ELF5: variants seen among roughly 807,000 people sequenced by gnomAD.
ELF5 encodes the protein ETS-related transcription factor Elf-5.
A neutral mutation model predicts 38.2 loss-of-function variants in ELF5; 31 were observed. That is an observed-to-expected ratio of 0.81 (90% CI 0.61 to 1.10). The LOEUF (loss-of-function observed/expected upper bound fraction) is 1.10. ELF5 is among the 50% of genes least tolerant of loss of function. ELF5 has a pLI of 0.00. For synonymous variants in ELF5, 121 were observed against 112.5 expected (o/e 1.08, Z -0.48); for missense variants, 300 against 306.6 (o/e 0.98, Z 0.16).
intron 1 of ELF5, 43 bp from the exon 2 acceptor site, chr11:34,505,796 C>G: frequency 6.3e-7 from 1 of 1,598,672 alleles, no homozygotes; most frequent in East Asian, 2.2e-5. Context: ...GGGTGAGGTA[C>G]TCCTGAAGCC....
intron 4 of ELF5, among the ~76,000 whole-genome samples, chr11:34,488,471 C>T (rs958634766): frequency 1.3e-5 from 2 of 152,158 alleles, no homozygotes; most frequent in Non-Finnish European, 2.9e-5. Flanking sequence ...TAGGGCTTGT[C>T]TCATATTGGG....
chr11:34,484,342 T>C (rs1289988824), intron 4 of ELF5, among the ~76,000 whole-genome samples: 1 of 151,624 alleles, frequency 6.6e-6, no homozygotes, highest in African/African-American at 2.4e-5. Flanking sequence ...CTACTGTACA[T>C]ACTGTACTAT....
At chr11:34,496,012 G>A (rs553317146) in intron 2 of ELF5, among the ~76,000 whole-genome samples, 157 of 146,684 alleles carry the variant, frequency 1.1e-3, no homozygotes, top group Non-Finnish European at 1.9e-3. Flanking sequence ...GGAGGGCACA[G>A]TTGATTTCAT....
In ELF5 at chr11:34,493,645, G is replaced by A. The variant is rs1233490874; in HGVS notation, c.189C>T (p.Leu63=). 5 of 1,614,096 alleles carry A rather than the reference G, an allele frequency of 3.1e-6. No homozygotes were observed. Among genetic ancestry groups the A allele is most frequent in the Non-Finnish European group, 3.4e-6 (4 of 1,180,064 alleles). ...YWTKRHVWEW[L]QFCCDQYKLD... ...ACTTGTACTGGTCGCAGCAGAACTG[G>A]AGCCACTCCCACACATGGCGCTTAG... Residue 63 remains leucine (L), a synonymous_variant, in exon 3 of 7, where the codon CTC becomes CTT. Transcript: ENST00000257832.
rs1336924009 is a variant in ELF5 at position 34,505,752 on chromosome 11, C to CATGTTGCTGTCT, written c.-4_-3insAGACAGCAACAT. ...CTGTGTGTCACCGAGTCCAACATTA[C>CATGTTGCTGTCT]CCTGCAACAGCAGGAGAGGTCGTGA... On this transcript the variant is annotated splice_region_variant and 5_prime_UTR_variant, in exon 2 of 7. The change creates a new upstream start codon in the 5' untranslated region. Coordinates refer to ENST00000257832, the MANE Select transcript of ELF5 (RefSeq NM_001422.4). 1.2e-6 allele frequency: 2 copies of CATGTTGCTGTCT among 1,613,352 alleles called. No individual in the cohort carries two copies. Among genetic ancestry groups the CATGTTGCTGTCT allele is most frequent in the South Asian group, 2.2e-5 (2 of 90,950 alleles).
At chr11:34,501,414 A>C (rs1251078279) in intron 2 of ELF5, among the ~76,000 whole-genome samples, 1 of 152,180 alleles carries the variant, frequency 6.6e-6, no homozygotes, top group Non-Finnish European at 1.5e-5. Context: ...ATTGGCTGTC[A>C]GGGGAGGGGT....
At chr11:34,509,552 T>G (rs1850699941) in intron 1 of ELF5, among the ~76,000 whole-genome samples, 1 of 151,470 alleles carries the variant, frequency 6.6e-6, no homozygotes, top group Non-Finnish European at 1.5e-5. Flanking sequence ...CAAACAGATG[T>G]CAAGGCTGCC....
chr11:34,503,258 A>C (rs1285247474), intron 2 of ELF5, among the ~76,000 whole-genome samples: 1 of 152,002 alleles, frequency 6.6e-6, no homozygotes, highest in African/African-American at 2.4e-5. Context: ...TTCTGAGCTC[A>C]AGGGATCCTC....
chr11:34,494,975 A>G (rs1233059521), intron 2 of ELF5, among the ~76,000 whole-genome samples: 1 of 152,202 alleles, frequency 6.6e-6, no homozygotes, highest in East Asian at 1.9e-4. Flanking sequence ...CACACGTTGT[A>G]TGTTAAGGAT....
chr11:34,502,732 C>T (rs552231539), intron 2 of ELF5, among the ~76,000 whole-genome samples: 1 of 152,282 alleles, frequency 6.6e-6, no homozygotes, highest in African/African-American at 2.4e-5. Flanking sequence ...GGGCCAGTCT[C>T]GAAGGCTATT....
At chr11:34,496,182 C>T (rs1226829966) in intron 2 of ELF5, among the ~76,000 whole-genome samples, 2 of 152,262 alleles carry the variant, frequency 1.3e-5, no homozygotes, top group Admixed American at 6.5e-5. Context: ...GAGTCGGCCC[C>T]ACACCGGGGA....
intron 4 of ELF5, among the ~76,000 whole-genome samples, chr11:34,486,675 T>C (rs1429010542): frequency 6.6e-6 from 1 of 152,230 alleles, no homozygotes; most frequent in East Asian, 1.9e-4. Flanking sequence ...TTGCAAGTTA[T>C]TACACCTCCA....
At position 34,490,056 on chromosome 11, in the gene ELF5, T is replaced by C; in HGVS notation, c.359A>G (p.Tyr120Cys). Residue 120 changes from tyrosine (Y) to cysteine (C), a missense_variant, in exon 4 of 7, where the codon TAC becomes TGC. Physicochemically the swap from Tyr to Cys is radical, Grantham distance 194. Transcript: ENST00000257832. ...TTCTTCAGCGTCATTAAAAAAGGAGTAACCTGGGAAAGAAAAAGAAATCCA... is the reference window on the plus strand; with the variant it reads ...TTCTTCAGCGTCATTAAAAAAGGAGCAACCTGGGAAAGAAAAAGAAATCCA... ...FILQNIRTQG[Y>C]SFFNDAEESK... is the part of the protein sequence containing the mutation. The C allele has an allele frequency of 1.2e-6, 2 of 1,613,750 alleles. No homozygotes were observed. Among genetic ancestry groups the C allele is most frequent in the East Asian group, 2.2e-5 (1 of 44,868 alleles).
intron 5 of ELF5, among the ~76,000 whole-genome samples, chr11:34,481,993 C>T (rs577759751): frequency 3.6e-4 from 55 of 152,288 alleles, no homozygotes; most frequent in Middle Eastern, 3.4e-3. Context: ...GCTGGGGAAG[C>T]TAATAGGATT....
intron 2 of ELF5, among the ~76,000 whole-genome samples, chr11:34,504,894 G>C (rs1850569344): frequency 6.6e-6 from 1 of 152,194 alleles, no homozygotes; most frequent in South Asian, 2.1e-4. Context: ...CTGGGGAACA[G>C]TGAGGGGCTC....
intron 4 of ELF5, among the ~76,000 whole-genome samples, chr11:34,483,410 T>G (rs567136561): frequency 1.3e-5 from 2 of 151,956 alleles, no homozygotes; most frequent in Admixed American, 1.3e-4. Flanking sequence ...CTGCAGCACC[T>G]AGCACACTGC....
At chr11:34,490,162 C>T in intron 3 of ELF5, 103 bp from the exon 4 acceptor site, 1 of 1,299,662 alleles carries the variant, frequency 7.7e-7, no homozygotes, top group Non-Finnish European at 1.1e-6. Flanking sequence ...GACTGTCCCT[C>T]TTGAGGTTGG....
At chr11:34,508,126 G>A (rs946756685) in intron 1 of ELF5, among the ~76,000 whole-genome samples, 33 of 152,200 alleles carry the variant, frequency 2.2e-4, no homozygotes, top group African/African-American at 7.0e-4. Flanking sequence ...TGGTTCATGC[G>A]CCACCTAAAT....
rs777922071 is a variant in ELF5 at position 34,479,235 on chromosome 11, G to A, written c.*983C>T. The stretch of plus-strand genomic sequence containing the variant: ...TTAGGACATTTCCGGTTTTATAAAC[G>A]TTTAACATCTGGACCTGAGATGGAA... On this transcript the variant is annotated 3_prime_UTR_variant, in exon 7 of 7. Transcript: ENST00000257832. 1.6e-4 allele frequency: 24 copies of A among 152,728 alleles called. No individual in the cohort carries two copies. Among genetic ancestry groups the A allele is most frequent in the African/African-American group, 4.3e-4 (18 of 41,580 alleles). The allele number at this position is 152,728 out of a possible 1,614,324, so 9.5% of individuals were successfully genotyped here. A position where few individuals can be genotyped will look rare whatever the true frequency, so the allele number is the denominator to read the frequency against.
Sources: allele counts gnomAD v4.1 joint callset (sites outside exome capture counted in the v4.1 genomes callset), GRCh38; gene constraint gnomAD v4.1.1; transcripts MANE v1.5; gene names NCBI Gene and HGNC (gene_info 2026-07-23, HGNC 2026-07-21).